Variants in CSNK1D observed in about 807,000 individuals in gnomAD.
CSNK1D encodes the protein casein kinase 1 delta.
CSNK1D carries 16 observed loss-of-function variants against 46.6 expected under a neutral mutation model. The ratio of observed to expected loss-of-function variants is 0.34; its 90% CI spans 0.23 to 0.52. The LOEUF (loss-of-function observed/expected upper bound fraction) is 0.52. Ranked by LOEUF, CSNK1D falls within the 20% of genes least tolerant of loss-of-function variation. CSNK1D has a pLI of 0.95. For missense variants in CSNK1D, 398 were observed against 578.4 expected (o/e 0.69, Z 3.20); for synonymous variants, 276 against 228.2 (o/e 1.21, Z -1.89).
Position 82,244,668 on chromosome 17 carries a change from T to A in CSNK1D, c.*113A>T. 4 of 1,579,382 alleles carry A rather than the reference T, an allele frequency of 2.5e-6. No homozygotes were observed. Among genetic ancestry groups the A allele is most frequent in the Non-Finnish European group, 3.4e-6 (4 of 1,167,440 alleles). On this transcript the variant is annotated 3_prime_UTR_variant, in exon 9 of 9. Transcript: ENST00000314028. Reference sequence around the variant, plus strand: ...TCGCTGGGTGAGTGGCCTGGAGAGCTCCCGGTGTTAACATTTCGATCCTAG... The same window carrying A: ...TCGCTGGGTGAGTGGCCTGGAGAGCACCCGGTGTTAACATTTCGATCCTAG...
rs772317500 is a variant in CSNK1D at position 82,251,023 on chromosome 17, C to A, written c.885+356G>T. 2.3e-5 allele frequency: 8 copies of A among 354,196 alleles called. No individual in the cohort carries two copies. In the East Asian group the frequency reaches 5.8e-4, roughly 26 times the overall value. 21.9% of individuals were successfully genotyped at this position (354,196 alleles called of 1,614,324 possible). On this transcript the variant is annotated intron_variant, in intron 6 of 8. Coordinates refer to ENST00000314028, the MANE Select transcript of CSNK1D (RefSeq NM_001893.6). The surrounding 1 kb of genome is among the most constrained non-coding windows in gnomAD (Gnocchi z 4.5). ...AACCCCACTCATCTCGTGGGCACCA[C>A]GACCATGTGGCACAGCGAATGGGAA...
Position 82,249,662 on chromosome 17 carries a change from T to TCCTA in CSNK1D, c.886-64_886-61dup. On this transcript the variant is annotated intron_variant, in intron 6 of 8. Transcript: ENST00000314028. This position sits in a 1 kb window ranked among gnomAD's most constrained non-coding sequence, Gnocchi z 6.7. ...AGCTTTGGCAGAAAGCAACCCTAGG[T>TCCTA]CCTAGGCTGCCCCGGCCACGTGAGA... The TCCTA allele has an allele frequency of 6.5e-7, 1 of 1,538,626 alleles. No homozygotes were observed. Among genetic ancestry groups the TCCTA allele is most frequent in the Non-Finnish European group, 8.7e-7 (1 of 1,147,786 alleles).
Position 82,248,361 on chromosome 17 carries a change from C to T in CSNK1D, c.1197+514G>A. 9 of 999,396 alleles carry T rather than the reference C, an allele frequency of 9.0e-6. No individual in the cohort carries two copies. Among genetic ancestry groups the T allele is most frequent in the Non-Finnish European group, 1.1e-5 (9 of 837,568 alleles). The allele number at this position is 999,396 out of a possible 1,614,324, so 61.9% of individuals were successfully genotyped here. A position where few individuals can be genotyped will look rare whatever the true frequency, so the allele number is the denominator to read the frequency against. On this transcript the variant is annotated intron_variant, in intron 8 of 8. Transcript: ENST00000314028. This position sits in a 1 kb window ranked among gnomAD's most constrained non-coding sequence, Gnocchi z 4.1. Reference sequence around the variant, plus strand: ...GCTGCGCAACAGGGTACTTCTCGTCCAAGGGAAGACAGGTGAGGCCGTCAA... The same window carrying T: ...GCTGCGCAACAGGGTACTTCTCGTCTAAGGGAAGACAGGTGAGGCCGTCAA...
intron 2 of CSNK1D, among the ~76,000 whole-genome samples, chr17:82,259,744 A>G (rs2051275125): frequency 6.6e-6 from 1 of 152,266 alleles, no homozygotes; most frequent in South Asian, 2.1e-4. Flanking sequence ...TCAAACAATG[A>G]AAATCAATTA....
At chr17:82,239,040 T>A, downstream of CSNK1D, 1 of 1,447,172 alleles carries the variant, frequency 6.9e-7, no homozygotes, top group Non-Finnish European at 9.2e-7. Context: ...TTGCTATTTA[T>A]TTTACAAACT....
In CSNK1D at chr17:82,243,805, A is replaced by G. The variant is rs1045054558; in HGVS notation, c.*976T>C. ...AAATGGACTGAGTGCAAAGGCAGCA[A>G]GGCAACAAACACTACAGTAACCACC... On this transcript the variant is annotated 3_prime_UTR_variant, in exon 9 of 9. Transcript: ENST00000314028. 7 of 985,380 alleles carry G rather than the reference A, an allele frequency of 7.1e-6. No individual in the cohort carries two copies. The African/African-American group carries it at 8.7e-5, about 12-fold the overall frequency. 61.0% of individuals were successfully genotyped at this position (985,380 alleles called of 1,614,324 possible).
chr17:82,244,340 CAAG>C lies in CSNK1D; in HGVS notation c.*438_*440del, dbSNP rs1347048650. 3 of 1,102,924 alleles carry C rather than the reference CAAG, an allele frequency of 2.7e-6. No individual in the cohort carries two copies. The highest frequency in any genetic ancestry group is 2.2e-6 in the Non-Finnish European group (2 of 897,506). 68.3% of individuals were successfully genotyped at this position (1,102,924 alleles called of 1,614,324 possible). Reference sequence around the variant, plus strand: ...TTTTTTGTAAGACTGCAAAAACAGACAAGAAACAATAAAAAGACAGATTTTCTT... The same window carrying C: ...TTTTTTGTAAGACTGCAAAAACAGACAAACAATAAAAAGACAGATTTTCTT... On this transcript the variant is annotated 3_prime_UTR_variant, in exon 9 of 9. Coordinates refer to ENST00000314028, the MANE Select transcript of CSNK1D (RefSeq NM_001893.6).
At chr17:82,256,057 A>G (rs555421701) in intron 2 of CSNK1D, among the ~76,000 whole-genome samples, 4 of 152,368 alleles carry the variant, frequency 2.6e-5, no homozygotes, top group South Asian at 4.1e-4. Context: ...TGACTGGATA[A>G]GAGAAAAGCA....
At chr17:82,240,673 A>C (rs2050730420), downstream of CSNK1D, among the ~76,000 whole-genome samples, 2 of 152,290 alleles carry the variant, frequency 1.3e-5, no homozygotes, top group Non-Finnish European at 2.9e-5. Context: ...CACACAGCAG[A>C]GGCTCAACAC....
chr17:82,259,046 T>A (rs565307296), intron 2 of CSNK1D, among the ~76,000 whole-genome samples: 1 of 152,246 alleles, frequency 6.6e-6, no homozygotes, highest in Non-Finnish European at 1.5e-5. Context: ...GGGAACGTCA[T>A]TGAATGTTAA....
Position 82,265,739 on chromosome 17 carries a change from T to C in CSNK1D, c.134A>G (p.Lys45Arg), listed in dbSNP as rs745633574. 6.2e-7 allele frequency: 1 copy of C among 1,614,188 alleles called. No individual in the cohort carries two copies. The highest frequency in any genetic ancestry group is 1.1e-5 in the South Asian group (1 of 91,080). ...VAIKLECVKT[K>R]HPQLHIESKI... Reference sequence around the variant, plus strand: ...GCTCTCAATGTGGAGCTGAGGGTGTTTGGTTTTGACACATTCAAGCTTGAT... The same window carrying C: ...GCTCTCAATGTGGAGCTGAGGGTGTCTGGTTTTGACACATTCAAGCTTGAT... Residue 45 changes from lysine to arginine, a missense_variant, in exon 2 of 9, where the codon AAA (lysine) becomes AGA (arginine). Physicochemically the swap from Lys to Arg is conservative, Grantham distance 26. Transcript: ENST00000314028.
At chr17:82,245,735 A>C in intron 8 of CSNK1D, 1 of 542,328 alleles carries the variant, frequency 1.8e-6, no homozygotes, top group South Asian at 2.0e-5. Context: ...GCCACAGGCC[A>C]ACAGGATGGT....
In CSNK1D at chr17:82,255,700, TAGA is replaced by T; in HGVS notation, c.188-126_188-124del. 1 of 1,265,966 alleles carries T rather than the reference TAGA, an allele frequency of 7.9e-7. No individual in the cohort carries two copies. The highest frequency in any genetic ancestry group is 1.1e-6 in the Non-Finnish European group (1 of 875,250). The allele number at this position is 1,265,966 out of a possible 1,614,324, so 78.4% of individuals were successfully genotyped here. A position where few individuals can be genotyped will look rare whatever the true frequency, so the allele number is the denominator to read the frequency against. On this transcript the variant is annotated intron_variant, in intron 2 of 8. Transcript: ENST00000314028. This position sits in a 1 kb window ranked among gnomAD's most constrained non-coding sequence, Gnocchi z 5.9. Reference sequence around the variant, plus strand: ...CTGAACGGGGGAGGGGTGGTGGAGGTAGAAGACCCCGGCAACGCCGCTCCTCAG... The same window carrying T: ...CTGAACGGGGGAGGGGTGGTGGAGGTAGACCCCGGCAACGCCGCTCCTCAG...
intron 3 of CSNK1D, chr17:82,253,715 C>G: frequency 2.9e-6 from 1 of 343,380 alleles, no homozygotes; most frequent in South Asian, 2.3e-5. Flanking sequence ...CCTCGAGAAG[C>G]CAGTGAGCTG....
chr17:82,248,402 G>A lies in CSNK1D; in HGVS notation c.1197+473C>T, dbSNP rs1285579073. The A allele has an allele frequency of 3.1e-5, 31 of 1,002,318 alleles. No homozygotes were observed. The highest frequency in any genetic ancestry group is 3.7e-5 in the Non-Finnish European group (31 of 839,034). 62.1% of individuals were successfully genotyped at this position (1,002,318 alleles called of 1,614,324 possible). A position where few individuals can be genotyped will look rare whatever the true frequency, so the allele number is the denominator to read the frequency against. On this transcript the variant is annotated intron_variant, in intron 8 of 8. Coordinates refer to ENST00000314028, the MANE Select transcript of CSNK1D (RefSeq NM_001893.6). The surrounding 1 kb of genome is among the most constrained non-coding windows in gnomAD (Gnocchi z 4.1). ...AGGCCGTCAAAAGAAGGAAAGCCTC[G>A]TTGCAGGGCATGCCACCAGGGAGGG...
At chr17:82,265,305 A>G (rs539676986) in intron 2 of CSNK1D, 1 of 328,922 alleles carries the variant, frequency 3.0e-6, no homozygotes, top group African/African-American at 2.2e-5. Flanking sequence ...CAGCCTCCCA[A>G]ACAGCTGGGA....
intron 2 of CSNK1D, among the ~76,000 whole-genome samples, chr17:82,262,645 G>C (rs1401160418): frequency 6.6e-6 from 1 of 152,114 alleles, no homozygotes; most frequent in East Asian, 1.9e-4. Context: ...ACTGCACAAG[G>C]GGACAATCTG....
chr17:82,265,877 T>C (rs1468220422), intron 1 of CSNK1D, 81 bp from the exon 2 acceptor site: 2 of 1,179,574 alleles, frequency 1.7e-6, no homozygotes, highest in Admixed American at 1.7e-5. Flanking sequence ...CAACAAGCAC[T>C]ATGTGTTTTC....
In CSNK1D at chr17:82,244,606, T is replaced by C. The variant is rs2050802551; in HGVS notation, c.*175A>G. The C allele has an allele frequency of 6.6e-7, 1 of 1,525,016 alleles. No homozygotes were observed. Among genetic ancestry groups the C allele is most frequent in the African/African-American group, 1.4e-5 (1 of 72,836 alleles). The allele number at this position is 1,525,016 out of a possible 1,614,324, so 94.5% of individuals were successfully genotyped here. A position where few individuals can be genotyped will look rare whatever the true frequency, so the allele number is the denominator to read the frequency against. On this transcript the variant is annotated 3_prime_UTR_variant, in exon 9 of 9. Transcript: ENST00000314028. ...GTGCAGCCCCAGCGGTGGCAGCTCT[T>C]GGAGTCTGTCCGTTTAGTATGTTTC...
Sources: gnomAD v4.1 joint callset for allele counts (sites outside exome capture counted in the v4.1 genomes callset) on GRCh38, gnomAD v4.1.1 for gene constraint, Gnocchi (gnomAD v3.1) non-coding constraint, MANE v1.5 for transcripts, NCBI Gene and HGNC (gene_info 2026-07-23, HGNC 2026-07-21) for gene names.